The following TMEM45A variants were observed in gnomAD, a reference collection of about 807,000 sequenced individuals.
TMEM45A encodes the protein DNA polymerase-transactivated protein 4.
In TMEM45A, 25 loss-of-function variants were observed where a neutral mutation model predicts 32.0. The ratio of observed to expected loss-of-function variants is 0.78; its 90% CI spans 0.57 to 1.09. The LOEUF is 1.09. Among genes scored for constraint, TMEM45A ranks in the 50% least tolerant of loss-of-function variants. The pLI is 0.00. For missense variants in TMEM45A, 302 were observed against 325.0 expected (o/e 0.93, Z 0.54); for synonymous variants, 122 against 114.8 (o/e 1.06, Z -0.40).
chr3:100,567,626 G>A (rs1264055484), intron 4 of TMEM45A, among the ~76,000 whole-genome samples: 1 of 150,946 alleles, frequency 6.6e-6, no homozygotes, highest in African/African-American at 2.4e-5. Context: ...TAAGCTTCCA[G>A]TCTATGACTA....
intron 1 of TMEM45A, among the ~76,000 whole-genome samples, chr3:100,499,169 C>G (rs1244074801): frequency 6.6e-6 from 1 of 152,048 alleles, no homozygotes. Flanking sequence ...TTGGTAGTGT[C>G]TTTTGATGCA....
At chr3:100,562,200 C>CTT (rs111846712) in intron 4 of TMEM45A, among the ~76,000 whole-genome samples, 2 of 145,710 alleles carry the variant, frequency 1.4e-5, no homozygotes, top group African/African-American at 5.0e-5. Flanking sequence ...GCAAGAAAAA[C>CTT]TTTTTTTTTT....
intron 4 of TMEM45A, among the ~76,000 whole-genome samples, chr3:100,561,789 C>CT (rs1706336665): frequency 1.3e-5 from 2 of 152,190 alleles, no homozygotes; most frequent in African/African-American, 4.8e-5. Flanking sequence ...GTCTTTGCTT[C>CT]TTGTTTTTTA....
At chr3:100,504,932 C>G (rs1708058754) in intron 1 of TMEM45A, among the ~76,000 whole-genome samples, 1 of 152,178 alleles carries the variant, frequency 6.6e-6, no homozygotes, top group African/African-American at 2.4e-5. Flanking sequence ...TGCCTGTATT[C>G]TGTTGAAGTC....
intron 1 of TMEM45A, among the ~76,000 whole-genome samples, chr3:100,512,936 A>G (rs1490706371): frequency 7.9e-5 from 12 of 151,780 alleles, no homozygotes; most frequent in Admixed American, 4.6e-4. Context: ...AAGAAGTTGA[A>G]TCTCTGAATA....
chr3:100,569,582 A>T (rs938792229), intron 5 of TMEM45A, among the ~76,000 whole-genome samples: 1 of 152,212 alleles, frequency 6.6e-6, no homozygotes, highest in African/African-American at 2.4e-5. Context: ...ACTTAACCAC[A>T]TTAAGTACTA....
At chr3:100,543,368 A>C (rs73139249) in intron 1 of TMEM45A, among the ~76,000 whole-genome samples, 7,041 of 152,280 alleles carry the variant, frequency 0.046, 236 homozygotes, top group South Asian at 0.073. Flanking sequence ...TACACACTAC[A>C]CATCGAATTG....
At chr3:100,542,220 T>C (rs56393938) in intron 1 of TMEM45A, among the ~76,000 whole-genome samples, 13 of 152,208 alleles carry the variant, frequency 8.5e-5, no homozygotes, top group Non-Finnish European at 1.3e-4. Context: ...AGGAATAGCA[T>C]TGAATCTGTA....
chr3:100,555,291 T>G lies in TMEM45A; in HGVS notation c.80T>G (p.Leu27Arg), dbSNP rs1706193497. 1 of 1,613,954 alleles carries G rather than the reference T, an allele frequency of 6.2e-7. No individual in the cohort carries two copies. ...IGLWWCTKSILKYICKKQKRT... is the reference protein window; with the variant it reads ...IGLWWCTKSIRKYICKKQKRT... ...CTTTGGTGGTGTACAAAGAGTATTC[T>G]GAAGTATATCTGCAAAAAGCAAAAG... The change falls in exon 2 of 6, where the codon CTG (leucine) becomes CGG (arginine). Residue 27 changes from leucine (L) to arginine (R), a missense_variant. By Grantham distance (102) the Leu-to-Arg change is moderately radical. Transcript: ENST00000323523.
chr3:100,547,614 T>C (rs1007945608), intron 1 of TMEM45A, among the ~76,000 whole-genome samples: 3 of 152,122 alleles, frequency 2.0e-5, no homozygotes, highest in African/African-American at 7.2e-5. Context: ...TTGATCTTTC[T>C]TGCTGACTTG....
chr3:100,544,627 G>A (rs558948538), intron 1 of TMEM45A, among the ~76,000 whole-genome samples: 1 of 152,226 alleles, frequency 6.6e-6, no homozygotes, highest in East Asian at 1.9e-4. Context: ...GTACCCTTTA[G>A]TGTCTGTTTT....
chr3:100,519,689 T>G, intron 1 of TMEM45A: 4 of 1,346,246 alleles, frequency 3.0e-6, no homozygotes, highest in Non-Finnish European at 4.2e-6. Context: ...AGACCTAGTT[T>G]GAACCTGACT....
chr3:100,576,724 G>A (rs573649689), intron 5 of TMEM45A, among the ~76,000 whole-genome samples: 6 of 152,318 alleles, frequency 3.9e-5, no homozygotes, highest in South Asian at 2.1e-4. Context: ...GGAAAACCAC[G>A]TTGTATCTGT....
At chr3:100,566,975 G>A (rs1055426286) in intron 4 of TMEM45A, among the ~76,000 whole-genome samples, 1 of 151,952 alleles carries the variant, frequency 6.6e-6, no homozygotes, top group Non-Finnish European at 1.5e-5. Flanking sequence ...AAGCACAAAA[G>A]TTAATTTTGA....
Position 100,556,909 on chromosome 3 carries a change from A to G in TMEM45A, c.340A>G (p.Thr114Ala). The G allele has an allele frequency of 6.2e-7, 1 of 1,614,130 alleles. No homozygotes were observed. The highest frequency in any genetic ancestry group is 8.5e-7 in the Non-Finnish European group (1 of 1,180,014). ...LLGVADILCF[T>A]ISSLPVSLTK... ...GGGTGTGGCAGATATCTTATGTTTC[A>G]CCATCAGTTCACTTCCTGTGTCCTT... Residue 114 changes from threonine to alanine, a missense_variant, in exon 3 of 6, where the codon ACC becomes GCC. By Grantham distance (58) the Thr-to-Ala change is moderately conservative. Transcript: ENST00000323523.
intron 1 of TMEM45A, among the ~76,000 whole-genome samples, chr3:100,526,929 TA>T (rs1197994146): frequency 6.6e-6 from 1 of 152,238 alleles, no homozygotes; most frequent in Admixed American, 6.5e-5. Flanking sequence ...CATGTGGCTA[TA>T]ATCATGTTTC....
chr3:100,501,457 C>A (rs978045644), intron 1 of TMEM45A, among the ~76,000 whole-genome samples: 2 of 152,278 alleles, frequency 1.3e-5, no homozygotes, highest in Non-Finnish European at 1.5e-5. Context: ...CAAACCCTCA[C>A]AGGTGAGCTG....
chr3:100,499,827 GATT>G (rs1707986147), intron 1 of TMEM45A, among the ~76,000 whole-genome samples: 1 of 152,236 alleles, frequency 6.6e-6, no homozygotes, highest in African/African-American at 2.4e-5. Context: ...CGTGAGCCGA[GATT>G]GTGCCACTGC....
At chr3:100,523,938 A>C (rs1705491584) in intron 1 of TMEM45A, among the ~76,000 whole-genome samples, 1 of 152,246 alleles carries the variant, frequency 6.6e-6, no homozygotes, top group Non-Finnish European at 1.5e-5. Context: ...CGGAACTTCA[A>C]GTGCCACCAT....
Sources: allele counts gnomAD v4.1 joint callset (sites outside exome capture counted in the v4.1 genomes callset), GRCh38; gene constraint gnomAD v4.1.1; transcripts MANE v1.5; gene names NCBI Gene and HGNC (gene_info 2026-07-23, HGNC 2026-07-21).